Variants in ASS1 observed in about 807,000 individuals in gnomAD.
ASS1 encodes the protein argininosuccinate synthase.
A neutral mutation model predicts 60.5 loss-of-function variants in ASS1; 58 were observed. The ratio of observed to expected loss-of-function variants is 0.96; its 90% CI spans 0.78 to 1.19. ASS1 has a LOEUF of 1.19. Among genes scored for constraint, ASS1 ranks in the 50% most tolerant of loss-of-function variants. ASS1 has a pLI of 0.00. For missense variants in ASS1, 454 were observed against 547.3 expected (o/e 0.83, Z 1.70); for synonymous variants, 200 against 206.9 (o/e 0.97, Z 0.29).
intron 4 of ASS1, among the ~76,000 whole-genome samples, chr9:130,458,871 T>C (rs1243413766): frequency 6.6e-6 from 1 of 152,226 alleles, no homozygotes; most frequent in African/African-American, 2.4e-5. Flanking sequence ...CTGGGGACAT[T>C]GTCCAAGGTC....
At position 130,489,602 on chromosome 9, in the gene ASS1, C is replaced by A; in HGVS notation, c.970+138C>A. The A allele has an allele frequency of 6.9e-7, 1 of 1,441,796 alleles. No homozygotes were observed. Among genetic ancestry groups the A allele is most frequent in the South Asian group, 1.2e-5 (1 of 86,840 alleles). The allele number at this position is 1,441,796 out of a possible 1,614,324, so 89.3% of individuals were successfully genotyped here. A position where few individuals can be genotyped will look rare whatever the true frequency, so the allele number is the denominator to read the frequency against. On this transcript the variant is annotated intron_variant, in intron 12 of 14. Coordinates refer to ENST00000352480, the MANE Select transcript of ASS1 (RefSeq NM_054012.4). This position sits in a 1 kb window ranked among gnomAD's most constrained non-coding sequence, Gnocchi z 4.1. ...GCCCACTGCCATCCTCATGTGAGAC[C>A]CCAAAAGGTGCAGGCCAAAGGGGGT...
At chr9:130,475,987 G>C (rs1846007107) in intron 8 of ASS1, among the ~76,000 whole-genome samples, 1 of 152,166 alleles carries the variant, frequency 6.6e-6, no homozygotes, top group African/African-American at 2.4e-5. Context: ...TCGAACTCCT[G>C]AGCTCAGGCA....
At chr9:130,454,401 C>T in intron 3 of ASS1, 28 bp downstream of exon 3, 3 of 1,608,694 alleles carry the variant, frequency 1.9e-6, no homozygotes, top group South Asian at 1.1e-5. Context: ...GGGATTTGGG[C>T]TGGGAGTGGG....
chr9:130,493,725 T>C (rs966097288), intron 12 of ASS1, among the ~76,000 whole-genome samples: 64 of 152,160 alleles, frequency 4.2e-4, no homozygotes, highest in African/African-American at 1.5e-3. Flanking sequence ...ACTCTAGCCT[T>C]GCCCTGTCCC....
chr9:130,467,016 AGCC>A, intron 6 of ASS1, among the ~76,000 whole-genome samples: 1 of 152,240 alleles, frequency 6.6e-6, no homozygotes, highest in East Asian at 1.9e-4. Flanking sequence ...GCCAGGGCGG[AGCC>A]GCTCTGAGGC....
intron 1 of ASS1, chr9:130,450,237 TA>T: frequency 9.1e-6 from 9 of 987,030 alleles, no homozygotes; most frequent in Non-Finnish European, 1.1e-5. Flanking sequence ...TGGCCCAGGC[TA>T]CCTGCAGGCA....
At chr9:130,445,299 G>T (rs1845170533) in intron 1 of ASS1, 1 of 922,580 alleles carries the variant, frequency 1.1e-6, no homozygotes, top group African/African-American at 1.8e-5. Context: ...TGCGCAGCCG[G>T]GTCCTTTCTG....
chr9:130,451,461 AT>A lies in ASS1; in HGVS notation c.-5-761del, dbSNP rs199953312. 1,591 of 260,372 alleles carry A rather than the reference AT, an allele frequency of 6.1e-3. 26 individuals carry two copies. Among genetic ancestry groups the A allele is most frequent in the African/African-American group, 0.033 (1,475 of 44,930 alleles). 16.1% of individuals were successfully genotyped at this position (260,372 alleles called of 1,614,324 possible). A position where few individuals can be genotyped will look rare whatever the true frequency, so the allele number is the denominator to read the frequency against. The stretch of plus-strand genomic sequence containing the variant: ...GTCTCTGAGCCCCTCCAAACTGGGC[AT>A]TGGCAGAGTTGAATTCAGAGGCGCT... On this transcript the variant is annotated intron_variant, in intron 1 of 14. Transcript: ENST00000352480.
intron 1 of ASS1, among the ~76,000 whole-genome samples, chr9:130,446,232 G>A (rs180751490): frequency 6.6e-6 from 1 of 152,276 alleles, no homozygotes; most frequent in East Asian, 1.9e-4. Flanking sequence ...CGGCTGCTAA[G>A]GGCTCTGTAG....
intron 3 of ASS1, among the ~76,000 whole-genome samples, chr9:130,455,812 G>C (rs1430314856): frequency 6.6e-6 from 1 of 152,246 alleles, no homozygotes; most frequent in African/African-American, 2.4e-5. Flanking sequence ...CCCCTCTGTG[G>C]GGTGCTTCTG....
rs1846070871 is a variant in ASS1 at position 130,478,183 on chromosome 9, C to T, written c.688+1222C>T. On this transcript the variant is annotated intron_variant, in intron 9 of 14. Transcript: ENST00000352480. This position sits in a 1 kb window ranked among gnomAD's most constrained non-coding sequence, Gnocchi z 4.7. ...CAAGCCAGCGACTGTCTTCCTTGCT[C>T]CCCTTCATCTGTCCCAACCTACTGG... 6.6e-6 allele frequency among the ~76,000 whole-genome samples: 1 copy of T among 152,372 alleles called. No individual in the cohort carries two copies. The highest frequency in any genetic ancestry group is 2.1e-4 in the South Asian group (1 of 4,830).
chr9:130,467,618 C>A (rs953364116), intron 6 of ASS1, among the ~76,000 whole-genome samples: 3 of 152,194 alleles, frequency 2.0e-5, no homozygotes, highest in Non-Finnish European at 4.4e-5. Flanking sequence ...GGAGGGAAGA[C>A]CTTCTCCACC....
intron 1 of ASS1, among the ~76,000 whole-genome samples, chr9:130,450,965 A>T (rs1338575992): frequency 2.0e-5 from 3 of 152,160 alleles, no homozygotes; most frequent in Non-Finnish European, 4.4e-5. Context: ...CCAGGTGTCC[A>T]CGGAGGCTGG....
Position 130,501,047 on chromosome 9 carries a change from C to T in ASS1, c.*26C>T. ...ACCCGTGTACAATGAGGAGCTGGGG[C>T]CTCCTCAATTTGCAGATCCCCCAAG... On this transcript the variant is annotated 3_prime_UTR_variant, in exon 15 of 15. Coordinates refer to ENST00000352480, the MANE Select transcript of ASS1 (RefSeq NM_054012.4). 2 of 1,602,160 alleles carry T rather than the reference C, an allele frequency of 1.2e-6. No homozygotes were observed. The highest frequency in any genetic ancestry group is 1.1e-5 in the South Asian group (1 of 90,884).
intron 2 of ASS1, 124 bp downstream of exon 2, chr9:130,452,457 C>T (rs1845350284): frequency 2.5e-6 from 2 of 811,108 alleles, no homozygotes; most frequent in Non-Finnish European, 4.3e-6. Flanking sequence ...AGCCTGGCCT[C>T]TTCTCTCGAA....
At chr9:130,445,303 C>G (rs1326739490) in intron 1 of ASS1, 1 of 902,770 alleles carries the variant, frequency 1.1e-6, no homozygotes, top group Middle Eastern at 5.6e-4. Context: ...CAGCCGGGTC[C>G]TTTCTGGACT....
Position 130,491,243 on chromosome 9 carries a change from G to C in ASS1, c.970+1779G>C, listed in dbSNP as rs1228669456. On this transcript the variant is annotated intron_variant, in intron 12 of 14. Coordinates refer to ENST00000352480, the MANE Select transcript of ASS1 (RefSeq NM_054012.4). The surrounding 1 kb of genome is among the most constrained non-coding windows in gnomAD (Gnocchi z 5.3). ...CTCCTGCAGGCTTTCCAGCCCGGCG[G>C]GATTGCGACCCCGAAAGGAGGATTT... 6.6e-6 allele frequency among the ~76,000 whole-genome samples: 1 copy of C among 152,118 alleles called. No individual in the cohort carries two copies. Among genetic ancestry groups the C allele is most frequent in the Non-Finnish European group, 1.5e-5 (1 of 68,030 alleles).
intron 4 of ASS1, among the ~76,000 whole-genome samples, chr9:130,462,592 G>A (rs1369426405): frequency 3.3e-5 from 5 of 152,214 alleles, no homozygotes; most frequent in South Asian, 2.1e-4. Context: ...CCTGGCTGGT[G>A]AGGCACAAGC....
chr9:130,451,096 C>A (rs1469372006), intron 1 of ASS1, among the ~76,000 whole-genome samples: 2 of 152,164 alleles, frequency 1.3e-5, no homozygotes. Flanking sequence ...GTGAAGACGC[C>A]CAAGCCCAGG....
Sources: allele counts gnomAD v4.1 joint callset (sites outside exome capture counted in the v4.1 genomes callset), GRCh38; gene constraint gnomAD v4.1.1; non-coding constraint Gnocchi (gnomAD v3.1); transcripts MANE v1.5; gene names NCBI Gene and HGNC (gene_info 2026-07-23, HGNC 2026-07-21).